Variants in ZNF676 observed in about 807,000 individuals in gnomAD.
ZNF676 encodes zinc finger protein 676.
Under a neutral mutation model 6.0 loss-of-function variants are expected in ZNF676, and 4 were observed. That is an observed-to-expected ratio of 0.67 (90% CI 0.33 to 1.53). ZNF676 has a LOEUF of 1.53. Among genes scored for constraint, ZNF676 ranks in the 40% most tolerant of loss-of-function variants. The pLI is 0.06. For synonymous variants in ZNF676, 198 were observed against 223.1 expected, an observed-to-expected ratio of 0.89 and a Z score of 1.00; for missense variants, 644 against 679.7, an observed-to-expected ratio of 0.95 and a Z score of 0.58.
the ZNF676 span, chr19:22,245,437 T>C: frequency 2.0e-5 from 3 of 151,712 alleles, no homozygotes; most frequent in African/African-American, 7.3e-5. Flanking sequence ...TCTCTCCTAT[T>C]GACAAAGCAT....
At chr19:22,192,694 A>C (rs1009662700) in intron 2 of ZNF676, among the ~76,000 whole-genome samples, 1 of 151,306 alleles carries the variant, frequency 6.6e-6, no homozygotes, top group African/African-American at 2.4e-5. Context: ...AACATGGAGT[A>C]CCTTAAAATT....
At chr19:22,242,599 G>A in the ZNF676 span, among the ~76,000 whole-genome samples, 1 of 151,952 alleles carries the variant, frequency 6.6e-6, no homozygotes, top group Admixed American at 6.6e-5. Flanking sequence ...CTTAGATGCT[G>A]AGCCTAGCAA....
chr19:22,220,469 T>G (rs2085365), upstream of ZNF676, among the ~76,000 whole-genome samples: 32 of 60,056 alleles, frequency 5.3e-4, no homozygotes, highest in Non-Finnish European at 8.0e-4. Flanking sequence ...CAGTTTTTTT[T>G]TTTTTTTTTC....
At chr19:22,194,606 C>A (rs951494273) in intron 1 of ZNF676, among the ~76,000 whole-genome samples, 10 of 152,060 alleles carry the variant, frequency 6.6e-5, no homozygotes, top group East Asian at 1.9e-4. Flanking sequence ...GCTCCCCACC[C>A]CGAGCAGAAA....
intron 2 of ZNF676, among the ~76,000 whole-genome samples, chr19:22,189,323 A>ACCC (rs1357995193): frequency 6.6e-6 from 1 of 152,074 alleles, no homozygotes; most frequent in African/African-American, 2.4e-5. Context: ...ATGAAACTGG[A>ACCC]CCCCTTCCTT....
At chr19:22,235,028 GAAAGAAAA>G in the ZNF676 span, among the ~76,000 whole-genome samples, 4 of 62,324 alleles carry the variant, frequency 6.4e-5, no homozygotes, top group Non-Finnish European at 6.3e-5. Context: ...AAGAAAGAAA[GAAAGAAAA>G]GAAAAGAAGG....
rs2023716110 is a variant in ZNF676 at position 22,180,324 on chromosome 19, T to C, written c.1393A>G (p.Thr465Ala). Residue 465 changes from threonine to alanine, a missense_variant, in exon 3 of 3, where the codon ACT becomes GCT. Around this residue, in one of 5 missense-constraint regions of ZNF676, gnomAD observed 306 missense variants for 265.4 expected, o/e 1.15. Transcript: ENST00000397121. ...GKAFTWSSSF[T>A]KHKRIHAAEK... ...GCAGCATGAATTCTCTTGTGTTTAG[T>C]AAAGCTTGAGGACCAGGTGAAGGCT... The C allele has an allele frequency of 2.5e-6, 4 of 1,612,972 alleles. No homozygotes were observed. Among genetic ancestry groups the C allele is most frequent in the Non-Finnish European group, 3.4e-6 (4 of 1,178,968 alleles).
chr19:22,227,371 G>C, the ZNF676 span, among the ~76,000 whole-genome samples: 1 of 152,244 alleles, frequency 6.6e-6, no homozygotes, highest in East Asian at 1.9e-4. Flanking sequence ...GTGCTTAGAG[G>C]GAAACTTATA....
chr19:22,245,008 TAC>T, the ZNF676 span: 3 of 152,130 alleles, frequency 2.0e-5, no homozygotes, highest in Admixed American at 6.5e-5. Context: ...TATGTCACAA[TAC>T]ACAATAAATG....
intron 1 of ZNF676, among the ~76,000 whole-genome samples, chr19:22,194,884 A>G (rs1373146173): frequency 6.6e-6 from 1 of 152,122 alleles, no homozygotes; most frequent in African/African-American, 2.4e-5. Context: ...TCCCAGTCAG[A>G]GAAAGAATTA....
chr19:22,217,148 C>A (rs1203340987), upstream of ZNF676, among the ~76,000 whole-genome samples: 1 of 151,994 alleles, frequency 6.6e-6, no homozygotes, highest in African/African-American at 2.4e-5. Context: ...TCCCTCACCC[C>A]CTCTCCTACC....
chr19:22,182,929 C>T lies in ZNF676; in HGVS notation c.131-1343G>A, dbSNP rs2023781089. 2.6e-5 allele frequency among the ~76,000 whole-genome samples: 4 copies of T among 151,816 alleles called. No individual in the cohort carries two copies. In the South Asian group the frequency reaches 8.3e-4, roughly 31 times the overall value. On this transcript the variant is annotated intron_variant, in intron 2 of 2. Coordinates refer to ENST00000397121, the MANE Select transcript of ZNF676 (RefSeq NM_001001411.3). ...CTCTAACATTTGAGAGATAAAAGCA[C>T]AGGAATTATTATAAACATCTGTTAA...
the ZNF676 span, among the ~76,000 whole-genome samples, chr19:22,232,062 G>A: frequency 6.6e-6 from 1 of 152,156 alleles, no homozygotes; most frequent in African/African-American, 2.4e-5. Context: ...GTGCAAGTGT[G>A]TGTATGTGTA....
chr19:22,209,416 C>T (rs2024108651), intron 1 of ZNF676, among the ~76,000 whole-genome samples: 1 of 147,986 alleles, frequency 6.8e-6, no homozygotes, highest in Admixed American at 6.8e-5. Flanking sequence ...AAACAGAAAA[C>T]CAAATGCATG....
the ZNF676 span, chr19:22,244,095 G>C: frequency 6.8e-6 from 1 of 148,036 alleles, no homozygotes; most frequent in Non-Finnish European, 1.5e-5. Flanking sequence ...CCAAGCTGGA[G>C]TGCAATGGCA....
chr19:22,186,819 A>G (rs888956245), intron 2 of ZNF676, among the ~76,000 whole-genome samples: 3 of 152,224 alleles, frequency 2.0e-5, no homozygotes, highest in Admixed American at 2.0e-4. Flanking sequence ...GATCAATGCA[A>G]CAAGAAGAGC....
chr19:22,199,249 T>A (rs2024000900), upstream of ZNF676, among the ~76,000 whole-genome samples: 1 of 152,216 alleles, frequency 6.6e-6, no homozygotes, highest in African/African-American at 2.4e-5. Context: ...ATAATGATGT[T>A]GCTCCCACTG....
At chr19:22,185,005 G>A (rs1367245447) in intron 2 of ZNF676, among the ~76,000 whole-genome samples, 2 of 152,088 alleles carry the variant, frequency 1.3e-5, no homozygotes, top group Non-Finnish European at 1.5e-5. Flanking sequence ...CCAGCACAGC[G>A]TTCAAGCGCT....
At chr19:22,225,466 T>G in the ZNF676 span, among the ~76,000 whole-genome samples, 1 of 151,296 alleles carries the variant, frequency 6.6e-6, no homozygotes, top group Non-Finnish European at 1.5e-5. Context: ...GGAAATCAAT[T>G]TATAAATAAG....
Sources: allele counts gnomAD v4.1 joint callset (sites outside exome capture counted in the v4.1 genomes callset), GRCh38; gene constraint gnomAD v4.1.1; regional missense constraint gnomAD v4.1.1; transcripts MANE v1.5; gene names NCBI Gene and HGNC (gene_info 2026-07-23, HGNC 2026-07-21).